PCDHGA12: variants seen among roughly 807,000 people sequenced by gnomAD.
The protein encoded by PCDHGA12 is protocadherin gamma-A12.
In PCDHGA12, 43 loss-of-function variants were observed where a neutral mutation model predicts 61.1. The observed-to-expected ratio is 0.70, with a 90% CI of 0.55 to 0.91. The LOEUF is 0.91. PCDHGA12 is among the 40% of genes least tolerant of loss of function. The probability of loss-of-function intolerance (pLI) is 0.00; values close to 1 mark genes in which losing one functional copy is unlikely to be tolerated. For synonymous variants in PCDHGA12, 520 were observed against 542.9 expected, an observed-to-expected ratio of 0.96 and a Z score of 0.59; for missense variants, 1,236 against 1,227.7, an observed-to-expected ratio of 1.01 and a Z score of -0.10.
chr5:141,432,589 G>T lies in PCDHGA12; in HGVS notation c.1830G>T (p.Lys610Asn). ...QNAWLSYRLL[K>N]ASEPGLFSVG... is the part of the protein sequence containing the mutation. ...CCTGGCTGTCCTACCGTCTGCTCAA[G>T]GCCAGCGAGCCGGGACTCTTCTCGG... The change falls in exon 1 of 4, where the codon AAG becomes AAT. Residue 610 changes from lysine to asparagine, a missense_variant. Physicochemically the swap from Lys to Asn is moderately conservative, Grantham distance 94. Transcript: ENST00000252085. The surrounding 1 kb of genome is among the most constrained non-coding windows in gnomAD (Gnocchi z 6.0). 1 of 1,613,916 alleles carries T rather than the reference G, an allele frequency of 6.2e-7. No individual in the cohort carries two copies. Among genetic ancestry groups the T allele is most frequent in the Non-Finnish European group, 8.5e-7 (1 of 1,179,974 alleles).
rs1029080327 is a variant in PCDHGA12 at position 141,512,737 on chromosome 5, G to C, written c.*1564G>C. 6.5e-5 allele frequency: 10 copies of C among 152,868 alleles called. No individual in the cohort carries two copies. The highest frequency in any genetic ancestry group is 2.4e-4 in the African/African-American group (10 of 41,472). 9.5% of individuals were successfully genotyped at this position (152,868 alleles called of 1,614,324 possible). On this transcript the variant is annotated 3_prime_UTR_variant, in exon 4 of 4. Transcript: ENST00000252085. Reference sequence around the variant, plus strand: ...ATGGCGGGTGGGCAGCGGGCGGCGGGCTCCGCGCAGCCGTCTGTCCTTGAT... The same window carrying C: ...ATGGCGGGTGGGCAGCGGGCGGCGGCCTCCGCGCAGCCGTCTGTCCTTGAT...
At chr5:141,461,663 G>C (rs1230719552) in intron 1 of PCDHGA12, among the ~76,000 whole-genome samples, 1 of 151,984 alleles carries the variant, frequency 6.6e-6, no homozygotes, top group Admixed American at 6.6e-5. Flanking sequence ...TTATTTTAAA[G>C]TTTGTTATTT....
At chr5:141,465,757 T>C (rs2099108578) in intron 1 of PCDHGA12, among the ~76,000 whole-genome samples, 1 of 152,046 alleles carries the variant, frequency 6.6e-6, no homozygotes, top group South Asian at 2.1e-4. Context: ...ACTGGTAAAG[T>C]CATGTTTCAT....
At chr5:141,499,908 G>A (rs903753761) in intron 2 of PCDHGA12, among the ~76,000 whole-genome samples, 2 of 151,980 alleles carry the variant, frequency 1.3e-5, no homozygotes, top group African/African-American at 2.4e-5. Flanking sequence ...GGCTGGTCTT[G>A]AACTCCTGGC....
At chr5:141,462,539 T>G (rs2099042077) in intron 1 of PCDHGA12, among the ~76,000 whole-genome samples, 1 of 152,184 alleles carries the variant, frequency 6.6e-6, no homozygotes, top group African/African-American at 2.4e-5. Flanking sequence ...TTCAGTGATC[T>G]TTTCTTCTTC....
rs766474451 is a variant in PCDHGA12 at position 141,477,676 on chromosome 5, AT to A, written c.2425-17130del. On this transcript the variant is annotated intron_variant, in intron 1 of 3. Coordinates refer to ENST00000252085, the MANE Select transcript of PCDHGA12 (RefSeq NM_003735.3). This position sits in a 1 kb window ranked among gnomAD's most constrained non-coding sequence, Gnocchi z 4.9. ...TAAATCGTGACAATGGCATAGTGTCATCCTTAGTGCCCCTAGACTATGAGGA... is the reference window on the plus strand; with the variant it reads ...TAAATCGTGACAATGGCATAGTGTCACCTTAGTGCCCCTAGACTATGAGGA... 6.2e-7 allele frequency: 1 copy of A among 1,614,194 alleles called. No homozygotes were observed. The highest frequency in any genetic ancestry group is 2.2e-5 in the East Asian group (1 of 44,886).
chr5:141,461,480 G>A (rs1478939044), intron 1 of PCDHGA12, among the ~76,000 whole-genome samples: 1 of 151,970 alleles, frequency 6.6e-6, no homozygotes, highest in Non-Finnish European at 1.5e-5. Context: ...ACTTTTTAAT[G>A]GGATTGTGTT....
At position 141,511,130 on chromosome 5, in the gene PCDHGA12, G is replaced by A. The variant is rs777082914; in HGVS notation, c.2756G>A (p.Gly919Asp). ...GKRDGKAPAG[G>D]NGNKKKSGKK... ...CGGGATGGCAAGGCCCCAGCAGGTG[G>A]CAATGGCAACAAGAAGAAGTCGGGC... The change falls in exon 4 of 4, where the codon GGC (glycine) becomes GAC (aspartate). Residue 919 changes from glycine (G) to aspartate (D), a missense_variant. Coordinates refer to ENST00000252085, the MANE Select transcript of PCDHGA12 (RefSeq NM_003735.3). 6.2e-7 allele frequency: 1 copy of A among 1,614,210 alleles called. No homozygotes were observed. The highest frequency in any genetic ancestry group is 1.1e-5 in the South Asian group (1 of 91,090).
chr5:141,497,122 G>A (rs1407489807), intron 2 of PCDHGA12, among the ~76,000 whole-genome samples: 1 of 151,992 alleles, frequency 6.6e-6, no homozygotes, highest in East Asian at 1.9e-4. Flanking sequence ...GAAGGCAGAG[G>A]TTGCAGTGAG....
At chr5:141,464,923 A>G (rs544281066) in intron 1 of PCDHGA12, among the ~76,000 whole-genome samples, 3 of 151,406 alleles carry the variant, frequency 2.0e-5, no homozygotes, top group Non-Finnish European at 4.4e-5. Flanking sequence ...ATTTTTTTGT[A>G]GAGATGTGAG....
chr5:141,507,151 G>C (rs1423834553), intron 3 of PCDHGA12: 2 of 152,192 alleles, frequency 1.3e-5, no homozygotes, highest in African/African-American at 4.8e-5. Context: ...TATTACCTGA[G>C]CAGGATGAGA....
chr5:141,498,273 A>G (rs1595516143), intron 2 of PCDHGA12, among the ~76,000 whole-genome samples: 1 of 152,038 alleles, frequency 6.6e-6, no homozygotes, highest in East Asian at 1.9e-4. Flanking sequence ...TCTTCAGTAA[A>G]CTTGGTTCAA....
intron 2 of PCDHGA12, among the ~76,000 whole-genome samples, chr5:141,501,015 C>T (rs950216755): frequency 6.6e-5 from 10 of 151,866 alleles, no homozygotes; most frequent in African/African-American, 2.4e-4. Context: ...ACTACAGGCA[C>T]GCGCCACCAC....
chr5:141,491,072 C>T lies in PCDHGA12; in HGVS notation c.2425-3735C>T, dbSNP rs778221466. The T allele has an allele frequency of 6.2e-7, 1 of 1,614,204 alleles. No individual in the cohort carries two copies. Among genetic ancestry groups the T allele is most frequent in the South Asian group, 1.1e-5 (1 of 91,086 alleles). On this transcript the variant is annotated intron_variant, in intron 1 of 3. Coordinates refer to ENST00000252085, the MANE Select transcript of PCDHGA12 (RefSeq NM_003735.3). The surrounding 1 kb of genome is among the most constrained non-coding windows in gnomAD (Gnocchi z 6.9). ...GCGTGGCTCTCCTACTCACTGTTGCCACAGTCCACAGCCCCAGGACTGTTC... is the reference window on the plus strand; with the variant it reads ...GCGTGGCTCTCCTACTCACTGTTGCTACAGTCCACAGCCCCAGGACTGTTC...
In PCDHGA12 at chr5:141,431,326, T is replaced by G. The variant is rs1486136293; in HGVS notation, c.567T>G (p.Ser189Arg). 6.2e-7 allele frequency: 1 copy of G among 1,614,046 alleles called. No individual in the cohort carries two copies. Among genetic ancestry groups the G allele is most frequent in the Non-Finnish European group, 8.5e-7 (1 of 1,180,018 alleles). Residue 189 changes from serine (S) to arginine (R), a missense_variant, in exon 1 of 4, where the codon AGT becomes AGG. Physicochemically the swap from Ser to Arg is moderately radical, Grantham distance 110 (BLOSUM62 -1). Transcript: ENST00000252085. This position sits in a 1 kb window ranked among gnomAD's most constrained non-coding sequence, Gnocchi z 4.8. Reference sequence around the variant, plus strand: ...TCGTGCAAAATGGAGCCGACGGTAGTAAGTACCCCGAATTGGTGCTGAAAC... The same window carrying G: ...TCGTGCAAAATGGAGCCGACGGTAGGAAGTACCCCGAATTGGTGCTGAAAC... Reference protein sequence around the residue: ...SLIVQNGADGSKYPELVLKRA... With the variant: ...SLIVQNGADGRKYPELVLKRA...
chr5:141,477,857 C>T lies in PCDHGA12; in HGVS notation c.2425-16950C>T. ...AGGTGGGAGCTCGGTGGAGATGCTG[C>T]CTCGAGGTACCTCAGCTGGCCACCT... On this transcript the variant is annotated intron_variant, in intron 1 of 3. Transcript: ENST00000252085. The surrounding 1 kb of genome is among the most constrained non-coding windows in gnomAD (Gnocchi z 4.9). The T allele has an allele frequency of 6.2e-7, 1 of 1,613,574 alleles. No individual in the cohort carries two copies. The highest frequency in any genetic ancestry group is 8.5e-7 in the Non-Finnish European group (1 of 1,179,836).
intron 1 of PCDHGA12, among the ~76,000 whole-genome samples, chr5:141,447,353 G>C (rs559895274): frequency 6.6e-6 from 1 of 152,032 alleles, no homozygotes; most frequent in Admixed American, 6.6e-5. Context: ...TGGTCAGGCT[G>C]GTCTCAAACT....
rs115568443 is a variant in PCDHGA12 at position 141,439,423 on chromosome 5, A to G, written c.2424+6240A>G. On this transcript the variant is annotated intron_variant, in intron 1 of 3. Coordinates refer to ENST00000252085, the MANE Select transcript of PCDHGA12 (RefSeq NM_003735.3). ...TGTGCTAACATCACTGAGGTTATAA[A>G]TTCCCAGGAATATTTTATTGCGGGA... 1.0e-2 allele frequency among the ~76,000 whole-genome samples: 1,522 copies of G among 152,306 alleles called. 34 individuals carry two copies. Among genetic ancestry groups the G allele is most frequent in the African/African-American group, 0.034 (1,425 of 41,558 alleles).
chr5:141,469,595 CAAAAT>C (rs919167679), intron 1 of PCDHGA12, among the ~76,000 whole-genome samples: 3 of 151,998 alleles, frequency 2.0e-5, no homozygotes, highest in Admixed American at 6.6e-5. Context: ...ATAAATAAAA[CAAAAT>C]AAGTAAAATA....
Sources: allele counts gnomAD v4.1 joint callset (sites outside exome capture counted in the v4.1 genomes callset), GRCh38; gene constraint gnomAD v4.1.1; non-coding constraint Gnocchi (gnomAD v3.1); transcripts MANE v1.5; gene names NCBI Gene and HGNC (gene_info 2026-07-23, HGNC 2026-07-21).